LPIN1: variants seen among roughly 807,000 people sequenced by gnomAD.
LPIN1 encodes the protein lipin 1.
Under a neutral mutation model 107.5 loss-of-function variants are expected in LPIN1, and 71 were observed. The observed-to-expected ratio is 0.66, with a 90% CI of 0.55 to 0.80. LPIN1 has a LOEUF of 0.80. Among genes scored for constraint, LPIN1 ranks in the 30% least tolerant of loss-of-function variants. The pLI is 0.00. For synonymous variants in LPIN1, 445 were observed against 452.6 expected, an observed-to-expected ratio of 0.98 and a Z score of 0.21; for missense variants, 1,043 against 1,160.6, an observed-to-expected ratio of 0.90 and a Z score of 1.47.
At position 11,784,970 on chromosome 2, in the gene LPIN1, G is replaced by A; in HGVS notation, c.1443G>A (p.Ser481=). 6.2e-7 allele frequency: 1 copy of A among 1,613,878 alleles called. No individual in the cohort carries two copies. The highest frequency in any genetic ancestry group is 8.5e-7 in the Non-Finnish European group (1 of 1,179,990). Residue 481 remains serine (S), a synonymous_variant, in exon 10 of 21, where the codon TCG becomes TCA. Coordinates refer to ENST00000674199, the MANE Select transcript of LPIN1 (RefSeq NM_001349206.2). The part of the protein sequence containing the change: ...ANQSPQSVGS[S]GVDSGVESTS... ...AGTCCCCGCAGTCGGTGGGCAGCTC[G>A]GGCGTGGACAGTGGCGTGGAGAGCA...
chr2:11,797,604 AC>A (rs1307134327), intron 14 of LPIN1, among the ~76,000 whole-genome samples: 1 of 152,232 alleles, frequency 6.6e-6, no homozygotes, highest in African/African-American at 2.4e-5. Context: ...TGGATTTCAC[AC>A]TTGCATGGGG....
At chr2:11,703,455 T>C (rs1388876574) in intron 1 of LPIN1, among the ~76,000 whole-genome samples, 3 of 152,200 alleles carry the variant, frequency 2.0e-5, no homozygotes, top group African/African-American at 7.2e-5. Flanking sequence ...TCTCCTTGTA[T>C]AGACACATAT....
rs1351870795 is a variant in LPIN1 at position 11,793,452 on chromosome 2, G to C, written c.1806+1446G>C. ...GCTCCTATTTTTGTTGCTCCTTAAA[G>C]CCTTACTGTGGTTCCCCAGGGCTCT... On this transcript the variant is annotated intron_variant, in intron 13 of 20. Transcript: ENST00000674199. 3.9e-5 allele frequency among the ~76,000 whole-genome samples: 6 copies of C among 152,148 alleles called. No homozygotes were observed. The East Asian group carries it at 1.2e-3, about 29-fold the overall frequency.
intron 1 of LPIN1, among the ~76,000 whole-genome samples, chr2:11,709,117 C>T (rs375947621): frequency 1.3e-5 from 2 of 152,140 alleles, no homozygotes; most frequent in South Asian, 4.1e-4. Flanking sequence ...TCAGATTTGC[C>T]AGAACTGTCC....
At position 11,825,033 on chromosome 2, in the gene LPIN1, C is replaced by G; in HGVS notation, c.*242C>G. On this transcript the variant is annotated 3_prime_UTR_variant, in exon 21 of 21. Coordinates refer to ENST00000674199, the MANE Select transcript of LPIN1 (RefSeq NM_001349206.2). The surrounding 1 kb of genome is among the most constrained non-coding windows in gnomAD (Gnocchi z 4.1). Reference sequence around the variant, plus strand: ...TGCATTTGTACCGTGAAAAGCATTCCTCAGTTGTGGCTTAATGCCAGTTAC... The same window carrying G: ...TGCATTTGTACCGTGAAAAGCATTCGTCAGTTGTGGCTTAATGCCAGTTAC... 1 of 559,906 alleles carries G rather than the reference C, an allele frequency of 1.8e-6. No homozygotes were observed. The highest frequency in any genetic ancestry group is 3.1e-5 in the Admixed American group (1 of 32,594). The allele number at this position is 559,906 out of a possible 1,614,324, so 34.7% of individuals were successfully genotyped here.
chr2:11,777,646 G>A (rs1672880258), intron 6 of LPIN1: 1 of 152,194 alleles, frequency 6.6e-6, no homozygotes, highest in South Asian at 2.1e-4. Context: ...AGCAGCGAGT[G>A]GTTGCGACAG....
chr2:11,767,243 G>T (rs1190710904), intron 2 of LPIN1, among the ~76,000 whole-genome samples: 1 of 152,152 alleles, frequency 6.6e-6, no homozygotes, highest in Non-Finnish European at 1.5e-5. Context: ...CCTTGAGTAT[G>T]TGTGAAGGAT....
At chr2:11,808,884 AAAG>A (rs200023268) in intron 17 of LPIN1, among the ~76,000 whole-genome samples, 17,369 of 150,458 alleles carry the variant, frequency 0.12, 1,286 homozygotes, top group Middle Eastern at 0.18. Flanking sequence ...AAAAAAAAAA[AAAG>A]AGAGAGCGAG....
chr2:11,758,424 C>T (rs1669008674), intron 1 of LPIN1, among the ~76,000 whole-genome samples: 1 of 152,166 alleles, frequency 6.6e-6, no homozygotes, highest in African/African-American at 2.4e-5. Context: ...CTTGCCAACA[C>T]TTGTTATATT....
intron 1 of LPIN1, among the ~76,000 whole-genome samples, chr2:11,760,465 C>T (rs540730676): frequency 3.3e-5 from 5 of 152,354 alleles, no homozygotes; most frequent in South Asian, 2.1e-4. Flanking sequence ...AGATCACTCC[C>T]GATTAGGAGC....
intron 1 of LPIN1, among the ~76,000 whole-genome samples, chr2:11,680,322 T>A (rs539151403): frequency 1.5e-4 from 23 of 152,340 alleles, no homozygotes; most frequent in South Asian, 1.2e-3. Context: ...CAGCATCACC[T>A]GTGCTGTTGG....
At chr2:11,820,310 A>G in intron 19 of LPIN1, 101 bp from the exon 20 acceptor site, 1 of 769,260 alleles carries the variant, frequency 1.3e-6, no homozygotes, top group Non-Finnish European at 2.3e-6. Flanking sequence ...AGCTCTGGTT[A>G]ATGAAAATTT....
intron 2 of LPIN1, among the ~76,000 whole-genome samples, chr2:11,714,916 G>T (rs1361437254): frequency 6.6e-6 from 1 of 152,232 alleles, no homozygotes; most frequent in Non-Finnish European, 1.5e-5. Context: ...GTTCGTCGTT[G>T]AGACGAATCC....
intron 1 of LPIN1, among the ~76,000 whole-genome samples, chr2:11,751,440 A>T (rs1290579309): frequency 2.6e-5 from 4 of 152,232 alleles, no homozygotes; most frequent in Non-Finnish European, 4.4e-5. Flanking sequence ...AAAAGTGAAG[A>T]TCTCTTCCTC....
intron 1 of LPIN1, among the ~76,000 whole-genome samples, chr2:11,727,085 G>T (rs1161640682): frequency 2.0e-5 from 3 of 152,124 alleles, no homozygotes; most frequent in Non-Finnish European, 2.9e-5. Flanking sequence ...CCTTTTAATC[G>T]CTAGAAATGT....
chr2:11,779,269 T>G (rs1301201252), intron 6 of LPIN1, among the ~76,000 whole-genome samples: 1 of 152,180 alleles, frequency 6.6e-6, no homozygotes, highest in Non-Finnish European at 1.5e-5. Context: ...TCTGGGCCAC[T>G]TCTTTTTCTC....
chr2:11,698,936 G>A (rs1392108190), intron 1 of LPIN1, among the ~76,000 whole-genome samples: 1 of 152,314 alleles, frequency 6.6e-6, no homozygotes, highest in East Asian at 1.9e-4. Context: ...AAAATATATG[G>A]AGGCCATGAA....
chr2:11,701,130 G>T, intron 1 of LPIN1, among the ~76,000 whole-genome samples: 1 of 152,002 alleles, frequency 6.6e-6, no homozygotes. Context: ...TTTTCCTCCT[G>T]GTCAACTCTT....
chr2:11,702,199 A>T (rs961093754), intron 1 of LPIN1, among the ~76,000 whole-genome samples: 4 of 152,198 alleles, frequency 2.6e-5, no homozygotes, highest in Non-Finnish European at 4.4e-5. Context: ...CAAAGGGAAA[A>T]TGTGGACAAG....
Sources: allele counts gnomAD v4.1 joint callset (sites outside exome capture counted in the v4.1 genomes callset), GRCh38; gene constraint gnomAD v4.1.1; non-coding constraint Gnocchi (gnomAD v3.1); transcripts MANE v1.5; gene names NCBI Gene and HGNC (gene_info 2026-07-23, HGNC 2026-07-21).